Variants in LARGE1 observed in about 807,000 individuals in gnomAD.
The protein encoded by LARGE1 is LARGE xylosyl- and glucuronyltransferase 1.
In LARGE1, 43 loss-of-function variants were observed where a neutral mutation model predicts 87.6. The observed-to-expected ratio is 0.49, with a 90% CI of 0.38 to 0.63. LARGE1 has a LOEUF of 0.63. Ranked by LOEUF, LARGE1 falls within the 30% of genes least tolerant of loss-of-function variation. LARGE1 has a pLI of 0.00. For synonymous variants in LARGE1, 434 were observed against 394.6 expected, an observed-to-expected ratio of 1.10 and a Z score of -1.18; for missense variants, 802 against 1,000.2, an observed-to-expected ratio of 0.80 and a Z score of 2.67.
intron 6 of LARGE1, among the ~76,000 whole-genome samples, chr22:33,470,901 C>T (rs1049092668): frequency 6.6e-6 from 1 of 152,164 alleles, no homozygotes; most frequent in Non-Finnish European, 1.5e-5. Context: ...TCTCCCTGAG[C>T]CTCAGGTTAG....
chr22:33,116,746 AT>A, the LARGE1 span, among the ~76,000 whole-genome samples: 17 of 152,208 alleles, frequency 1.1e-4, no homozygotes, highest in African/African-American at 4.1e-4. Context: ...AGGGAACATG[AT>A]TTTTAGCACG....
intron 11 of LARGE1, among the ~76,000 whole-genome samples, chr22:33,199,918 C>G (rs201265273): frequency 5.9e-5 from 9 of 151,616 alleles, no homozygotes; most frequent in African/African-American, 2.2e-4. Flanking sequence ...GGCACAATCT[C>G]GGCTCACTGC....
intron 7 of LARGE1, 100 bp from the exon 8 acceptor site, chr22:33,384,404 T>C (rs935096159): frequency 5.6e-5 from 49 of 879,266 alleles, no homozygotes; most frequent in Admixed American, 4.0e-4. Flanking sequence ...TCGGGGATGA[T>C]TGTCTTATGC....
In LARGE1 at chr22:33,732,051, G is replaced by A. The variant is rs1430656981; in HGVS notation, c.106+29320C>T. On this transcript the variant is annotated intron_variant, in intron 2 of 14. Coordinates refer to ENST00000397394, the MANE Select transcript of LARGE1 (RefSeq NM_133642.5). ...CTGAAATCACCTTATCTATTATGCA[G>A]TAAATTCATGAAACAAAAAAGAAAA... 4.6e-5 allele frequency among the ~76,000 whole-genome samples: 7 copies of A among 152,264 alleles called. No homozygotes were observed. In the East Asian group the frequency reaches 1.2e-3, roughly 25 times the overall value.
At chr22:33,245,942 C>T (rs1381137600) in intron 11 of LARGE1, among the ~76,000 whole-genome samples, 1 of 151,908 alleles carries the variant, frequency 6.6e-6, no homozygotes, top group Non-Finnish European at 1.5e-5. Flanking sequence ...CAGAATTCAT[C>T]CAAAAAAATG....
At chr22:33,279,856 C>T (rs1000680573) in intron 13 of LARGE1, among the ~76,000 whole-genome samples, 3 of 152,148 alleles carry the variant, frequency 2.0e-5, no homozygotes, top group Admixed American at 6.5e-5. Flanking sequence ...AGCTGATGGC[C>T]GTGAACTTGT....
intron 6 of LARGE1, among the ~76,000 whole-genome samples, chr22:33,464,714 T>C (rs1046893659): frequency 6.6e-6 from 1 of 152,172 alleles, no homozygotes; most frequent in Non-Finnish European, 1.5e-5. Flanking sequence ...GAATAAGAAC[T>C]GGTTAAGATG....
intron 9 of LARGE1, among the ~76,000 whole-genome samples, chr22:33,381,709 C>T (rs146217309): frequency 3.0e-4 from 45 of 152,218 alleles, no homozygotes; most frequent in Non-Finnish European, 5.4e-4. Flanking sequence ...CTGGTTCTTA[C>T]GCCAGGAGGC....
intron 5 of LARGE1, among the ~76,000 whole-genome samples, chr22:33,579,600 C>A (rs1163047597): frequency 6.6e-6 from 1 of 152,166 alleles, no homozygotes; most frequent in Non-Finnish European, 1.5e-5. Flanking sequence ...GCTGGCCACA[C>A]TTTGGAATTA....
chr22:33,130,313 CAAAAAAAAAAA>C, the LARGE1 span, among the ~76,000 whole-genome samples: 6 of 57,002 alleles, frequency 1.1e-4, no homozygotes, highest in Non-Finnish European at 1.5e-4. Context: ...GATTCCGTCT[CAAAAAAAAAAA>C]AAAAAAAAAA....
At chr22:33,118,504 G>GAAAAAAAAAAA in the LARGE1 span, among the ~76,000 whole-genome samples, 56 of 80,126 alleles carry the variant, frequency 7.0e-4, no homozygotes, top group Admixed American at 9.6e-4. Flanking sequence ...AAAGAAAAAA[G>GAAAAAAAAAAA]AAAAAAAAAA....
chr22:33,903,134 A>G (rs746925605), intron 1 of LARGE1, among the ~76,000 whole-genome samples: 1 of 152,204 alleles, frequency 6.6e-6, no homozygotes, highest in Non-Finnish European at 1.5e-5. Flanking sequence ...CTCCATCTCA[A>G]AAAATAAAAA....
chr22:33,851,957 G>C (rs575550025), intron 1 of LARGE1, among the ~76,000 whole-genome samples: 44 of 152,268 alleles, frequency 2.9e-4, no homozygotes, highest in Non-Finnish European at 5.1e-4. Flanking sequence ...GCTCAGTGTT[G>C]ATGATTGAGT....
At chr22:33,815,568 G>A (rs1272608304) in intron 1 of LARGE1, among the ~76,000 whole-genome samples, 2 of 152,164 alleles carry the variant, frequency 1.3e-5, no homozygotes, top group Admixed American at 1.3e-4. Context: ...CAACCAGAAA[G>A]GACTCTTCAG....
At chr22:33,370,364 C>T (rs1340465005) in intron 9 of LARGE1, among the ~76,000 whole-genome samples, 2 of 152,094 alleles carry the variant, frequency 1.3e-5, no homozygotes, top group Admixed American at 6.6e-5. Flanking sequence ...TTTTCTTATA[C>T]AATTCGTCAC....
At chr22:33,260,002 G>A (rs1276004262) in intron 11 of LARGE1, among the ~76,000 whole-genome samples, 1 of 152,118 alleles carries the variant, frequency 6.6e-6, no homozygotes. Flanking sequence ...CCATTATCGA[G>A]CAGTTTCACT....
intron 12 of LARGE1, among the ~76,000 whole-genome samples, chr22:33,289,036 G>A (rs1476567508): frequency 1.3e-5 from 2 of 152,024 alleles, no homozygotes; most frequent in Non-Finnish European, 2.9e-5. Context: ...TCGGCTCACT[G>A]CAAGCTCCGC....
intron 2 of LARGE1, among the ~76,000 whole-genome samples, chr22:33,741,727 C>T (rs2083889598): frequency 6.6e-6 from 1 of 152,198 alleles, no homozygotes; most frequent in South Asian, 2.1e-4. Context: ...AACAGAGACA[C>T]TGAGAAAGCA....
At chr22:33,506,642 T>C (rs1341980632) in intron 6 of LARGE1, among the ~76,000 whole-genome samples, 2 of 152,184 alleles carry the variant, frequency 1.3e-5, no homozygotes, top group African/African-American at 2.4e-5. Context: ...GGCTCACGCC[T>C]ATAATCCCAG....
Sources: allele counts gnomAD v4.1 joint callset (sites outside exome capture counted in the v4.1 genomes callset), GRCh38; gene constraint gnomAD v4.1.1; transcripts MANE v1.5; gene names NCBI Gene and HGNC (gene_info 2026-07-23, HGNC 2026-07-21).